The following DACT2 variants were observed in gnomAD, a reference collection of about 807,000 sequenced individuals.
DACT2 encodes dapper homolog 2.
Under a neutral mutation model 22.2 loss-of-function variants are expected in DACT2, and 20 were observed. The observed-to-expected ratio is 0.90, with a 90% CI of 0.63 to 1.31. The LOEUF is 1.31. DACT2 is among the 50% of genes most tolerant of loss of function. The probability of loss-of-function intolerance (pLI) is 0.00; values close to 1 mark genes in which losing one functional copy is unlikely to be tolerated. For synonymous variants in DACT2, 463 were observed against 479.8 expected, an observed-to-expected ratio of 0.96 and a Z score of 0.46; for missense variants, 1,048 against 1,061.4, an observed-to-expected ratio of 0.99 and a Z score of 0.18.
In DACT2 at chr6:168,311,253, T is replaced by C. The variant is rs1005324468; in HGVS notation, c.278A>G (p.Lys93Arg). ...CAGGTCCAGCTGGTCCAGGTGGGTC[T>C]TCAGGCCGATGTCCTGTTGTCTCAG... ...SRLRQQDIGL[K>R]THLDQLDLQI... Residue 93 changes from lysine to arginine, a missense_variant, in exon 2 of 4, where the codon AAG becomes AGG. Transcript: ENST00000366795. 1.3e-5 allele frequency: 20 copies of C among 1,550,534 alleles called. No individual in the cohort carries two copies. In the African/African-American group the frequency reaches 2.1e-4, roughly 16 times the overall value.
At chr6:168,316,211 C>T (rs1779539177) in intron 1 of DACT2, among the ~76,000 whole-genome samples, 3 of 152,274 alleles carry the variant, frequency 2.0e-5, no homozygotes, top group Admixed American at 2.0e-4. Flanking sequence ...CACCTGCACT[C>T]CCACCCCCTT....
chr6:168,301,254 C>T (rs887775659), intron 3 of DACT2, among the ~76,000 whole-genome samples: 1 of 152,156 alleles, frequency 6.6e-6, no homozygotes, highest in Non-Finnish European at 1.5e-5. Flanking sequence ...GGGCCAGGCC[C>T]CTTCTCTGGA....
rs376868583 is a variant in DACT2 at position 168,308,563 on chromosome 6, G to A, written c.1194C>T (p.Ala398=). The change falls in exon 4 of 4, where the codon GCC becomes GCT. Residue 398 remains alanine, a synonymous_variant. Transcript: ENST00000366795. ...CCTGCTGCTGGGGCCCGCCCCTGCC[G>A]GCACCCCTGCTCTGAGCTGGCCCTC... ...DEGGPAQSRG[A]GRGGPQQQGY... is the part of the protein sequence containing the mutation. The A allele has an allele frequency of 2.4e-4, 373 of 1,549,172 alleles. No individual in the cohort carries two copies. Among genetic ancestry groups the A allele is most frequent in the Non-Finnish European group, 2.6e-4 (301 of 1,146,936 alleles).
chr6:168,302,444 A>G (rs1275207513), downstream of DACT2, among the ~76,000 whole-genome samples: 1 of 152,244 alleles, frequency 6.6e-6, no homozygotes, highest in Non-Finnish European at 1.5e-5. Flanking sequence ...ATAATTCTTT[A>G]TCATTTCCAG....
intron 2 of DACT2, 37 bp from the exon 3 acceptor site, chr6:168,310,483 TC>T (rs1168260512): frequency 6.5e-7 from 1 of 1,529,684 alleles, no homozygotes. Context: ...GTGACCCCCA[TC>T]CAGAAAAGCC....
At chr6:168,300,876 C>G (rs1779090569) in intron 3 of DACT2, among the ~76,000 whole-genome samples, 1 of 152,094 alleles carries the variant, frequency 6.6e-6, no homozygotes, top group African/African-American at 2.4e-5. Context: ...GTCCCAGCTA[C>G]TTGGGAGGCT....
exon 4 of DACT2, chr6:168,294,650 G>A (rs1448862441): frequency 6.8e-7 from 1 of 1,477,792 alleles, no homozygotes. Flanking sequence ...TGAACTGGAG[G>A]TGCAGCCTGC....
At chr6:168,306,703 T>G (rs560197341), downstream of DACT2, among the ~76,000 whole-genome samples, 11,227 of 152,104 alleles carry the variant, frequency 0.074, 448 homozygotes, top group Middle Eastern at 0.088. Flanking sequence ...ACCCGCCTTG[T>G]CTTCCCAAAG....
At position 168,319,361 on chromosome 6, in the gene DACT2, C is replaced by T. The variant is rs1361744091; in HGVS notation, c.246+27G>A. 4.2e-6 allele frequency: 5 copies of T among 1,195,860 alleles called. No individual in the cohort carries two copies. The African/African-American group carries it at 7.9e-5, about 19-fold the overall frequency. The allele number at this position is 1,195,860 out of a possible 1,614,324, so 74.1% of individuals were successfully genotyped here. On this transcript the variant is annotated intron_variant, in intron 1 of 3. Coordinates refer to ENST00000366795, the MANE Select transcript of DACT2 (RefSeq NM_214462.5). ...CGCCTGTGGCCCGCACACCTCGCAGCCCCGAGTCCCGGCGCCCGGTCCTTA... is the reference window on the plus strand; with the variant it reads ...CGCCTGTGGCCCGCACACCTCGCAGTCCCGAGTCCCGGCGCCCGGTCCTTA...
At chr6:168,314,647 A>C (rs1273334399) in intron 1 of DACT2, among the ~76,000 whole-genome samples, 1 of 152,224 alleles carries the variant, frequency 6.6e-6, no homozygotes, top group African/African-American at 2.4e-5. Flanking sequence ...TGGGCAAGTC[A>C]ACAGTCCAGA....
intron 3 of DACT2, chr6:168,299,431 C>A (rs1278661966): frequency 1.3e-5 from 2 of 152,164 alleles, no homozygotes; most frequent in African/African-American, 4.8e-5. Flanking sequence ...GGTTCCATAA[C>A]CTCCACTGTT....
rs1779357318 is a variant in DACT2, at chr6:168,310,169, T to A, written c.657A>T (p.Thr219=). The A allele has an allele frequency of 1.3e-6, 2 of 1,549,272 alleles. No individual in the cohort carries two copies. Among genetic ancestry groups the A allele is most frequent in the African/African-American group, 1.4e-5 (1 of 72,972 alleles). ...WGTFWPRPVS[T]GDLDRALPAD... ...CCACCTTCCCTGGCAGTTTCTTACC[T>A]GTAGACACAGGCCTGGGCCAGAATG... The change falls in exon 3 of 4, where the codon ACA becomes ACT. Residue 219 remains threonine (T), a splice_region_variant and synonymous_variant. Transcript: ENST00000366795.
chr6:168,311,463 GT>G (rs1779395993), intron 1 of DACT2, among the ~76,000 whole-genome samples, 179 bp from the exon 2 acceptor site: 1 of 151,876 alleles, frequency 6.6e-6, no homozygotes, highest in Non-Finnish European at 1.5e-5. Context: ...TTGTTCCACT[GT>G]CACAAAAAGA....
downstream of DACT2, among the ~76,000 whole-genome samples, chr6:168,304,180 G>A (rs931730887): frequency 1.3e-5 from 2 of 152,182 alleles, no homozygotes; most frequent in East Asian, 1.9e-4. Flanking sequence ...CCCCTCAAAT[G>A]ACAGGCCACG....
Position 168,308,271 on chromosome 6 carries a change from C to A in DACT2, c.1486G>T (p.Ala496Ser), listed in dbSNP as rs377053427. The change falls in exon 4 of 4, where the codon GCT becomes TCT. Residue 496 changes from alanine (A) to serine (S), a missense_variant. Coordinates refer to ENST00000366795, the MANE Select transcript of DACT2 (RefSeq NM_214462.5). ...SLKMGPPKSK[A>S]EKIKRSPMDK... Reference sequence around the variant, plus strand: ...ATGGGACTTCTCTTGATTTTTTCAGCCTTGCTCTTGGGGGGACCCATTTTC... The same window carrying A: ...ATGGGACTTCTCTTGATTTTTTCAGACTTGCTCTTGGGGGGACCCATTTTC... 5.2e-6 allele frequency: 8 copies of A among 1,552,146 alleles called. No individual in the cohort carries two copies. In the African/African-American group the frequency reaches 6.8e-5, roughly 13 times the overall value.
intron 3 of DACT2, chr6:168,294,808 A>G: frequency 2.3e-6 from 1 of 432,658 alleles, no homozygotes; most frequent in Non-Finnish European, 3.9e-6. Flanking sequence ...TGCAACTTAG[A>G]TTTTATAACA....
chr6:168,308,553 C>T lies in DACT2; in HGVS notation c.1204G>A (p.Gly402Arg), dbSNP rs1352346094. Residue 402 changes from glycine (G) to arginine (R), a missense_variant, in exon 4 of 4, where the codon GGG (glycine) becomes AGG (arginine). Physicochemically the swap from Gly to Arg is moderately radical, Grantham distance 125 (BLOSUM62 -2). Coordinates refer to ENST00000366795, the MANE Select transcript of DACT2 (RefSeq NM_214462.5). The part of the protein sequence containing the change: ...PAQSRGAGRG[G>R]PQQQGYMPLE... The stretch of plus-strand genomic sequence containing the variant: ...GGCATGTATCCCTGCTGCTGGGGCC[C>T]GCCCCTGCCGGCACCCCTGCTCTGA... The T allele has an allele frequency of 3.2e-6, 5 of 1,549,810 alleles. No individual in the cohort carries two copies. The highest frequency in any genetic ancestry group is 2.4e-5 in the South Asian group (2 of 84,048).
rs1219763188 is a variant in DACT2, at chr6:168,308,033, A to G, written c.1724T>C (p.Leu575Ser). 3 of 1,549,734 alleles carry G rather than the reference A, an allele frequency of 1.9e-6. No individual in the cohort carries two copies. The Admixed American group carries it at 5.9e-5, about 30-fold the overall frequency. ...TLYPMPVLVPLAVAPQESHRT... is the reference protein window; with the variant it reads ...TLYPMPVLVPSAVAPQESHRT... ...GTGGCTCTCCTGCGGGGCCACTGCC[A>G]AGGGGACGAGGACAGGCATGGGGTA... The change falls in exon 4 of 4, where the codon TTG becomes TCG. Residue 575 changes from leucine to serine, a missense_variant. Physicochemically the swap from Leu to Ser is moderately radical, Grantham distance 145. Transcript: ENST00000366795.
At chr6:168,310,128 G>A in intron 3 of DACT2, 40 bp downstream of exon 3, 2 of 1,544,564 alleles carry the variant, frequency 1.3e-6, no homozygotes, top group East Asian at 4.9e-5. Flanking sequence ...CATCCCCTGT[G>A]CCTGAGATGA....
Sources: allele counts gnomAD v4.1 joint callset (sites outside exome capture counted in the v4.1 genomes callset), GRCh38; gene constraint gnomAD v4.1.1; transcripts MANE v1.5; gene names NCBI Gene and HGNC (gene_info 2026-07-23, HGNC 2026-07-21).